Variants in SOX5 observed in about 807,000 individuals in gnomAD.
The protein encoded by SOX5 is SRY-box transcription factor 5, also known as transcription factor SOX-5.
Under a neutral mutation model 92.0 loss-of-function variants are expected in SOX5, and 9 were observed. The ratio of observed to expected loss-of-function variants is 0.10; its 90% CI spans 0.06 to 0.17. The LOEUF (loss-of-function observed/expected upper bound fraction) is 0.17. SOX5 is among the 10% of genes least tolerant of loss of function. The pLI is 1.00. For synonymous variants in SOX5, 344 were observed against 336.3 expected (o/e 1.02, Z -0.25); for missense variants, 642 against 944.5 (o/e 0.68, Z 4.20).
chr12:23,764,341 A>G (rs957902915), intron 3 of SOX5, among the ~76,000 whole-genome samples: 1 of 152,110 alleles, frequency 6.6e-6, no homozygotes, highest in Admixed American at 6.6e-5. Context: ...TATGTGAGAT[A>G]GAACAAAATA....
At chr12:24,446,779 A>T (rs762941979) in intron 1 of SOX5, among the ~76,000 whole-genome samples, 1 of 152,174 alleles carries the variant, frequency 6.6e-6, no homozygotes, top group Non-Finnish European at 1.5e-5. Flanking sequence ...GTTTTATATC[A>T]ACAATTCCCC....
At chr12:24,336,410 C>T (rs760354219) in intron 2 of SOX5, among the ~76,000 whole-genome samples, 6 of 151,874 alleles carry the variant, frequency 4.0e-5, no homozygotes, top group African/African-American at 7.3e-5. Context: ...TGGTTTTTTA[C>T]GTCAAAGTTC....
At position 23,815,649 on chromosome 12, in the gene SOX5, T is replaced by C. The variant is rs114804683; in HGVS notation, c.481+30334A>G. Reference sequence around the variant, plus strand: ...AAGATACAGATAATGGCAGAGAAAATGCTACCTCCTAGGTCTTCATAATTC... The same window carrying C: ...AAGATACAGATAATGGCAGAGAAAACGCTACCTCCTAGGTCTTCATAATTC... On this transcript the variant is annotated intron_variant, in intron 3 of 14. Coordinates refer to ENST00000451604, the MANE Select transcript of SOX5 (RefSeq NM_006940.6). Among the ~76,000 whole-genome samples, 441 of 152,206 alleles carry C rather than the reference T, an allele frequency of 2.9e-3. 2 individuals carry two copies. Among genetic ancestry groups the C allele is most frequent in the Middle Eastern group, 0.017 (5 of 294 alleles).
intron 1 of SOX5, among the ~76,000 whole-genome samples, chr12:24,448,689 TTTGC>T (rs1236512306): frequency 2.0e-5 from 3 of 152,328 alleles, no homozygotes; most frequent in South Asian, 2.1e-4. Flanking sequence ...AACAGATACT[TTTGC>T]TTGCTTATCT....
intron 4 of SOX5, among the ~76,000 whole-genome samples, chr12:23,990,290 T>C (rs1592123177): frequency 1.3e-5 from 2 of 152,096 alleles, no homozygotes; most frequent in East Asian, 3.9e-4. Flanking sequence ...AATGGACTCT[T>C]CTCCATAAAC....
chr12:24,060,059 G>A (rs147219678), intron 4 of SOX5, among the ~76,000 whole-genome samples: 58 of 152,302 alleles, frequency 3.8e-4, no homozygotes, highest in Admixed American at 3.2e-3. Context: ...TTTGTGCCTA[G>A]AGTAAATCAG....
intron 1 of SOX5, among the ~76,000 whole-genome samples, chr12:24,529,425 T>G (rs1950983232): frequency 6.6e-6 from 1 of 152,280 alleles, no homozygotes; most frequent in Middle Eastern, 3.4e-3. Flanking sequence ...GTTATCAAAA[T>G]AATGAGATAT....
chr12:24,316,063 A>T (rs1396203), intron 2 of SOX5, among the ~76,000 whole-genome samples: 4,049 of 152,332 alleles, frequency 0.027, 176 homozygotes, highest in African/African-American at 0.092. Context: ...AGGCACAGCC[A>T]TGCCAGGGAC....
At chr12:24,299,813 C>CA (rs34189556) in intron 2 of SOX5, among the ~76,000 whole-genome samples, 13 of 152,060 alleles carry the variant, frequency 8.5e-5, no homozygotes, top group Non-Finnish European at 1.0e-4. Context: ...TTTCTAGTGG[C>CA]AAAAAAATGT....
At chr12:24,526,850 C>T (rs528179424) in intron 1 of SOX5, among the ~76,000 whole-genome samples, 1 of 151,912 alleles carries the variant, frequency 6.6e-6, no homozygotes, top group East Asian at 1.9e-4. Context: ...CAGGGTCTCA[C>T]TCTGTTGCCT....
At chr12:23,995,238 T>C (rs1019274408) in intron 4 of SOX5, among the ~76,000 whole-genome samples, 8 of 152,222 alleles carry the variant, frequency 5.3e-5, no homozygotes, top group Admixed American at 2.0e-4. Flanking sequence ...TATTTAAATA[T>C]ATACGTCTGA....
intron 6 of SOX5, among the ~76,000 whole-genome samples, chr12:23,696,414 T>C (rs59830859): frequency 0.069 from 10,440 of 152,222 alleles, 643 homozygotes; most frequent in Admixed American, 0.19. Context: ...TATAAAGTTT[T>C]TCATAACAGC....
intron 6 of SOX5, among the ~76,000 whole-genome samples, chr12:23,695,226 C>T (rs1301169813): frequency 3.9e-5 from 6 of 152,056 alleles, no homozygotes; most frequent in African/African-American, 1.2e-4. Flanking sequence ...CCACACTGTA[C>T]TGATTAGCAT....
chr12:23,849,016 CTTG>C (rs1405487043), intron 2 of SOX5, among the ~76,000 whole-genome samples: 4 of 152,200 alleles, frequency 2.6e-5, no homozygotes, highest in Non-Finnish European at 5.9e-5. Context: ...AAACTGAATT[CTTG>C]TTAATTCATT....
intron 4 of SOX5, among the ~76,000 whole-genome samples, chr12:24,194,933 G>A (rs528464670): frequency 9.2e-5 from 14 of 151,916 alleles, no homozygotes; most frequent in African/African-American, 2.4e-4. Context: ...TTCAATTACC[G>A]TAGTTCATAA....
At chr12:24,049,653 T>G (rs958989470) in intron 4 of SOX5, among the ~76,000 whole-genome samples, 3 of 142,932 alleles carry the variant, frequency 2.1e-5, no homozygotes, top group Non-Finnish European at 1.5e-5. Flanking sequence ...TTTTTTTTTT[T>G]TTTTTTTTTT....
chr12:23,554,697 C>A (rs575011553), intron 11 of SOX5, among the ~76,000 whole-genome samples: 1 of 152,058 alleles, frequency 6.6e-6, no homozygotes, highest in East Asian at 1.9e-4. Flanking sequence ...ATAAGCAAGT[C>A]TTTTTTATTG....
At chr12:23,879,131 G>A (rs982608283) in intron 2 of SOX5, among the ~76,000 whole-genome samples, 2 of 152,054 alleles carry the variant, frequency 1.3e-5, no homozygotes, top group African/African-American at 4.8e-5. Context: ...CTAAGTATAT[G>A]TATTAAACAA....
intron 4 of SOX5, among the ~76,000 whole-genome samples, chr12:24,095,144 G>GAGAGAT (rs1427059396): frequency 1.3e-4 from 20 of 150,340 alleles, no homozygotes; most frequent in Non-Finnish European, 2.5e-4. Flanking sequence ...GAGAGAGAGA[G>GAGAGAT]AGAGAGAGAG....
Sources: gnomAD v4.1 joint callset for allele counts (sites outside exome capture counted in the v4.1 genomes callset) on GRCh38, gnomAD v4.1.1 for gene constraint, MANE v1.5 for transcripts, NCBI Gene and HGNC (gene_info 2026-07-23, HGNC 2026-07-21) for gene names.